CFAP300: variants seen among roughly 807,000 people sequenced by gnomAD.
CFAP300 encodes cilia- and flagella-associated protein 300.
A neutral mutation model predicts 33.0 loss-of-function variants in CFAP300; 32 were observed. The ratio of observed to expected loss-of-function variants is 0.97; its 90% confidence interval spans 0.73 to 1.30. CFAP300 has a LOEUF of 1.30. Ranked by LOEUF, CFAP300 falls within the 50% of genes most tolerant of loss-of-function variation. The pLI, the probability that CFAP300 is intolerant of heterozygous loss-of-function variation, is 0.00. For missense variants in CFAP300, 356 were observed against 318.1 expected (o/e 1.12, Z -0.90); for synonymous variants, 102 against 106.8 (o/e 0.95, Z 0.28).
intron 2 of CFAP300, among the ~76,000 whole-genome samples, chr11:102,048,771 T>C (rs1941925636): frequency 6.6e-6 from 1 of 152,142 alleles, no homozygotes; most frequent in Non-Finnish European, 1.5e-5. Flanking sequence ...TAAGTTTTGG[T>C]GTGTTTGTTA....
In CFAP300 at chr11:102,047,569, G is replaced by A. The variant is rs1941898107; in HGVS notation, c.99G>A (p.Arg33=). 2 of 1,535,948 alleles carry A rather than the reference G, an allele frequency of 1.3e-6. No individual in the cohort carries two copies. Among genetic ancestry groups the A allele is most frequent in the South Asian group, 2.4e-5 (2 of 84,066 alleles). ...TGAGCTCTAAGGAGATCACCAGCCG[G>A]CTCCGCCAGTGGTGAGGAACCGAGG... The part of the protein sequence containing the change: ...QSLSSKEITS[R]LRQWSMLGRI... Residue 33 remains arginine (R), a synonymous_variant, in exon 1 of 7, where the codon CGG becomes CGA. Transcript: ENST00000434758.
At chr11:102,073,470 A>G (rs1942345022) in intron 4 of CFAP300, among the ~76,000 whole-genome samples, 1 of 152,198 alleles carries the variant, frequency 6.6e-6, no homozygotes, top group African/African-American at 2.4e-5. Flanking sequence ...GTGCCAGGCC[A>G]GAGGGGCTGT....
In CFAP300 at chr11:102,066,663, A is replaced by G; in HGVS notation, c.435+12A>G. On this transcript the variant is annotated intron_variant, in intron 4 of 6. Coordinates refer to ENST00000434758, the MANE Select transcript of CFAP300 (RefSeq NM_032930.3). ...ATGAGTTACGAAGAGTAAGTACAGA[A>G]TTTTAAAATTTCGCAGTGGAATTTT... 6.4e-7 allele frequency: 1 copy of G among 1,573,032 alleles called. No individual in the cohort carries two copies. The highest frequency in any genetic ancestry group is 1.4e-5 in the African/African-American group (1 of 72,370).
chr11:102,067,293 G>T (rs1377176162), intron 4 of CFAP300, among the ~76,000 whole-genome samples: 1 of 152,230 alleles, frequency 6.6e-6, no homozygotes, highest in Non-Finnish European at 1.5e-5. Context: ...GGGAAGTCAA[G>T]GCTGCAATGA....
chr11:102,067,002 A>G (rs1942237434), intron 4 of CFAP300, among the ~76,000 whole-genome samples: 1 of 152,202 alleles, frequency 6.6e-6, no homozygotes, highest in African/African-American at 2.4e-5. Context: ...TAATAAGGCC[A>G]TTTTTGCTCA....
chr11:102,055,217 G>A (rs886304699), intron 2 of CFAP300, among the ~76,000 whole-genome samples: 10 of 152,006 alleles, frequency 6.6e-5, no homozygotes, highest in South Asian at 2.1e-4. Flanking sequence ...CTGACCTCGC[G>A]ATCTGCCTGC....
Position 102,083,519 on chromosome 11 carries a change from T to G in CFAP300, c.*320T>G, listed in dbSNP as rs189466182. On this transcript the variant is annotated 3_prime_UTR_variant, in exon 7 of 7. Transcript: ENST00000434758. ...ATCCTCAATTTTCCATGTATTTTAA[T>G]TTATAAGCTAATTAATTATGGATTG... 159 of 166,328 alleles carry G rather than the reference T, an allele frequency of 9.6e-4. No homozygotes were observed. Among genetic ancestry groups the G allele is most frequent in the Admixed American group, 9.2e-3 (146 of 15,810 alleles). 10.3% of individuals were successfully genotyped at this position (166,328 alleles called of 1,614,324 possible).
At chr11:102,068,076 C>T (rs1942254970) in intron 4 of CFAP300, among the ~76,000 whole-genome samples, 1 of 152,186 alleles carries the variant, frequency 6.6e-6, no homozygotes. Context: ...GTTTCTTCAT[C>T]TATAAAGTAG....
rs1385734321 is a variant in CFAP300 at position 102,081,294 on chromosome 11, G to C, written c.675+13G>C. ...AGTTTCAGCTTATGTAAGTGTGAGA[G>C]AACTTTTGCAACCAAAGAATTTAAT... On this transcript the variant is annotated intron_variant, in intron 6 of 6. Coordinates refer to ENST00000434758, the MANE Select transcript of CFAP300 (RefSeq NM_032930.3). 2 of 1,606,516 alleles carry C rather than the reference G, an allele frequency of 1.2e-6. No homozygotes were observed. Among genetic ancestry groups the C allele is most frequent in the Non-Finnish European group, 1.7e-6 (2 of 1,174,902 alleles).
chr11:102,075,128 G>T (rs1942377365), intron 4 of CFAP300, among the ~76,000 whole-genome samples: 1 of 152,136 alleles, frequency 6.6e-6, no homozygotes, highest in Non-Finnish European at 1.5e-5. Context: ...AATAAAGTAG[G>T]TAGGATATAA....
intron 3 of CFAP300, among the ~76,000 whole-genome samples, chr11:102,059,815 T>C (rs969052321): frequency 8.8e-4 from 133 of 150,794 alleles, no homozygotes; most frequent in Non-Finnish European, 1.7e-3. Context: ...CACAGGACTT[T>C]TTTTTTTTTT....
chr11:102,065,287 T>A (rs1942205559), intron 3 of CFAP300, among the ~76,000 whole-genome samples: 1 of 152,006 alleles, frequency 6.6e-6, no homozygotes, highest in African/African-American at 2.4e-5. Context: ...TTCACCATGT[T>A]ATCCAGGCTG....
rs1441478147 is a variant in CFAP300, at chr11:102,083,635, C to T, written c.*436C>T. 1 of 152,318 alleles carries T rather than the reference C, an allele frequency of 6.6e-6. No homozygotes were observed. The highest frequency in any genetic ancestry group is 1.9e-4 in the East Asian group (1 of 5,216). 9.4% of individuals were successfully genotyped at this position (152,318 alleles called of 1,614,324 possible). A position where few individuals can be genotyped will look rare whatever the true frequency, so the allele number is the denominator to read the frequency against. ...CTTGTTTCATTTAATTACATTTCTTCATTGCACAAGCGTTTACATCTGTAA... is the reference window on the plus strand; with the variant it reads ...CTTGTTTCATTTAATTACATTTCTTTATTGCACAAGCGTTTACATCTGTAA... On this transcript the variant is annotated 3_prime_UTR_variant, in exon 7 of 7. Coordinates refer to ENST00000434758, the MANE Select transcript of CFAP300 (RefSeq NM_032930.3).
chr11:102,055,722 G>T (rs1462478306), intron 2 of CFAP300, among the ~76,000 whole-genome samples: 2 of 144,832 alleles, frequency 1.4e-5, no homozygotes, highest in Admixed American at 1.4e-4. Context: ...GCCCAGGCTG[G>T]AGTGCAGTGG....
chr11:102,057,032 T>C (rs1425890671), intron 2 of CFAP300, among the ~76,000 whole-genome samples: 1 of 151,550 alleles, frequency 6.6e-6, no homozygotes, highest in East Asian at 1.9e-4. Flanking sequence ...AAAAGAAAAA[T>C]AATTATAAAA....
At position 102,052,917 on chromosome 11, in the gene CFAP300, T is replaced by C. The variant is rs540930831; in HGVS notation, c.192+5021T>C. 1.3e-4 allele frequency among the ~76,000 whole-genome samples: 20 copies of C among 152,284 alleles called. No individual in the cohort carries two copies. In the East Asian group the frequency reaches 3.9e-3, roughly 29 times the overall value. ...AAGAAAAATAGATGATTCTGATAAC[T>C]CTTTCCTCTGCTTAAAAATCTTCAG... On this transcript the variant is annotated intron_variant, in intron 2 of 6. Transcript: ENST00000434758.
chr11:102,073,518 T>G (rs1001373066), intron 4 of CFAP300, among the ~76,000 whole-genome samples: 10 of 152,096 alleles, frequency 6.6e-5, no homozygotes, highest in African/African-American at 2.2e-4. Context: ...GCGGATCCTC[T>G]TGTGAGTTGG....
At chr11:102,060,401 G>A (rs2135026009) in intron 3 of CFAP300, among the ~76,000 whole-genome samples, 1 of 151,882 alleles carries the variant, frequency 6.6e-6, no homozygotes, top group Non-Finnish European at 1.5e-5. Flanking sequence ...ATGGGTGTGA[G>A]CCACCGCGCC....
At chr11:102,076,187 C>A in intron 5 of CFAP300, 142 bp downstream of exon 5, 1 of 785,840 alleles carries the variant, frequency 1.3e-6, no homozygotes, top group Non-Finnish European at 1.8e-6. Flanking sequence ...ACCCCCCTCT[C>A]ATAACCTTCC....
Sources: allele counts gnomAD v4.1 joint callset (sites outside exome capture counted in the v4.1 genomes callset), GRCh38; gene constraint gnomAD v4.1.1; transcripts MANE v1.5; gene names NCBI Gene and HGNC (gene_info 2026-07-23, HGNC 2026-07-21).